TAFA5: variants seen among roughly 807,000 people sequenced by gnomAD.
The protein encoded by TAFA5 is chemokine-like protein TAFA-5.
Under a neutral mutation model 15.3 loss-of-function variants are expected in TAFA5, and 6 were observed. The observed-to-expected ratio is 0.39, with a 90% CI of 0.21 to 0.77. The LOEUF (loss-of-function observed/expected upper bound fraction) is 0.77. TAFA5 is among the 30% of genes least tolerant of loss of function. The probability of loss-of-function intolerance (pLI) is 0.41; values close to 1 mark genes in which losing one functional copy is unlikely to be tolerated. For missense variants in TAFA5, 161 were observed against 193.1 expected (o/e 0.83, Z 0.98); for synonymous variants, 103 against 80.7 (o/e 1.28, Z -1.48).
chr22:48,657,988 T>C (rs1161389581), intron 2 of TAFA5, among the ~76,000 whole-genome samples: 2 of 152,220 alleles, frequency 1.3e-5, no homozygotes, highest in Non-Finnish European at 2.9e-5. Flanking sequence ...TTAATCAGCA[T>C]CTGAGAATAA....
chr22:48,594,797 C>T (rs963982826), intron 1 of TAFA5, among the ~76,000 whole-genome samples: 5 of 152,214 alleles, frequency 3.3e-5, no homozygotes, highest in Admixed American at 2.6e-4. Context: ...GGCGTAAGGA[C>T]GGGCGCCCTG....
chr22:48,528,197 A>G (rs11705547), intron 1 of TAFA5, among the ~76,000 whole-genome samples: 2,829 of 152,328 alleles, frequency 0.019, 46 homozygotes, highest in Non-Finnish European at 0.027. Flanking sequence ...CCCGTGAATC[A>G]GGAGCCTGGT....
intron 3 of TAFA5, among the ~76,000 whole-genome samples, chr22:48,729,356 A>ATTG (rs10686581): frequency 7.5e-6 from 1 of 133,566 alleles, no homozygotes; most frequent in Non-Finnish European, 1.6e-5. Flanking sequence ...TTTTTATATT[A>ATTG]GTATATAATA....
At chr22:48,659,352 C>T (rs995180943) in intron 2 of TAFA5, among the ~76,000 whole-genome samples, 2 of 152,352 alleles carry the variant, frequency 1.3e-5, no homozygotes, top group East Asian at 1.9e-4. Context: ...CCCAGCCCAC[C>T]GTCCACAGAC....
intron 3 of TAFA5, among the ~76,000 whole-genome samples, chr22:48,719,531 G>T (rs1169802078): frequency 6.6e-6 from 1 of 152,178 alleles, no homozygotes; most frequent in Non-Finnish European, 1.5e-5. Flanking sequence ...CCTCTCACCA[G>T]CCCAAGAGAG....
intron 2 of TAFA5, among the ~76,000 whole-genome samples, chr22:48,661,089 G>A (rs1927423119): frequency 6.6e-6 from 1 of 152,200 alleles, no homozygotes; most frequent in Non-Finnish European, 1.5e-5. Context: ...AGGAACAAAG[G>A]TTTGCTGAGC....
At position 48,489,770 on chromosome 22, in the gene TAFA5, G is replaced by T; in HGVS notation, c.112+66G>T. 9.5e-7 allele frequency: 1 copy of T among 1,051,052 alleles called. No homozygotes were observed. Among genetic ancestry groups the T allele is most frequent in the Admixed American group, 4.4e-5 (1 of 22,706 alleles). 65.1% of individuals were successfully genotyped at this position (1,051,052 alleles called of 1,614,324 possible). On this transcript the variant is annotated intron_variant, in intron 1 of 3. Coordinates refer to ENST00000402357, the MANE Select transcript of TAFA5 (RefSeq NM_001082967.3). The surrounding 1 kb of genome is among the most constrained non-coding windows in gnomAD (Gnocchi z 5.5). The stretch of plus-strand genomic sequence containing the variant: ...GCCCCGGACCCCCTCCTCCGGCCCC[G>T]GCAGGCGCCCCGCGGGCCTCCCGGA...
At chr22:48,502,404 G>C (rs1252821705) in intron 1 of TAFA5, among the ~76,000 whole-genome samples, 1 of 128,988 alleles carries the variant, frequency 7.8e-6, no homozygotes, top group African/African-American at 3.9e-5. Context: ...TGCATTTCTG[G>C]GGGAGCTGGG....
chr22:48,529,939 C>T lies in TAFA5; in HGVS notation c.112+40235C>T, dbSNP rs62223631. ...TGGGAGTTGGGGCATCTGGGACAAC[C>T]CTTCTCCCTTCACAGGGTGTTGGAC... On this transcript the variant is annotated intron_variant, in intron 1 of 3. Coordinates refer to ENST00000402357, the MANE Select transcript of TAFA5 (RefSeq NM_001082967.3). 2.6e-5 allele frequency among the ~76,000 whole-genome samples: 4 copies of T among 151,454 alleles called. No individual in the cohort carries two copies. The East Asian group carries it at 7.8e-4, about 29-fold the overall frequency.
intron 1 of TAFA5, among the ~76,000 whole-genome samples, chr22:48,554,453 C>T (rs1050516479): frequency 4.6e-5 from 7 of 152,110 alleles, no homozygotes; most frequent in African/African-American, 9.7e-5. Flanking sequence ...ATGTTCCCAA[C>T]ATATTACATT....
intron 1 of TAFA5, among the ~76,000 whole-genome samples, chr22:48,613,225 C>T (rs143151323): frequency 6.6e-5 from 10 of 152,298 alleles, no homozygotes; most frequent in Non-Finnish European, 1.0e-4. Context: ...TCCCTGGAGT[C>T]CTCTCTTCAA....
At chr22:48,540,660 C>A (rs1295096070) in intron 1 of TAFA5, among the ~76,000 whole-genome samples, 1 of 146,092 alleles carries the variant, frequency 6.8e-6, no homozygotes, top group Admixed American at 6.9e-5. Context: ...GCTTCCTTTT[C>A]TTTTTGTTCT....
chr22:48,491,222 G>T (rs1928142335), intron 1 of TAFA5, among the ~76,000 whole-genome samples: 1 of 152,148 alleles, frequency 6.6e-6, no homozygotes, highest in Non-Finnish European at 1.5e-5. Context: ...AGTTTTCCGC[G>T]GCCGTCACGG....
intron 1 of TAFA5, among the ~76,000 whole-genome samples, chr22:48,624,914 A>G (rs1601624201): frequency 6.6e-6 from 1 of 152,166 alleles, no homozygotes; most frequent in African/African-American, 2.4e-5. Context: ...GGCCTGGCCA[A>G]CGTGGCAAAA....
chr22:48,684,051 G>A (rs1260575771), intron 2 of TAFA5, among the ~76,000 whole-genome samples: 2 of 152,118 alleles, frequency 1.3e-5, no homozygotes, highest in African/African-American at 4.8e-5. Context: ...GTTATTCATA[G>A]CAGTTTGAAA....
intron 1 of TAFA5, among the ~76,000 whole-genome samples, chr22:48,583,858 CCACA>C (rs202129696): frequency 6.7e-5 from 10 of 149,908 alleles, no homozygotes; most frequent in Non-Finnish European, 7.4e-5. Flanking sequence ...AAAAAATACA[CCACA>C]CACACACGCA....
chr22:48,669,877 C>A (rs977396340), intron 2 of TAFA5, among the ~76,000 whole-genome samples: 3 of 152,252 alleles, frequency 2.0e-5, no homozygotes. Context: ...TGTGATTCCA[C>A]GTTTCACCAG....
At chr22:48,672,385 A>G (rs1348275076) in intron 2 of TAFA5, among the ~76,000 whole-genome samples, 1 of 152,240 alleles carries the variant, frequency 6.6e-6, no homozygotes, top group Non-Finnish European at 1.5e-5. Flanking sequence ...AAATGGAAAT[A>G]GTTCTTTTAT....
intron 2 of TAFA5, among the ~76,000 whole-genome samples, chr22:48,673,712 T>C (rs1927874696): frequency 6.6e-6 from 1 of 152,110 alleles, no homozygotes; most frequent in Non-Finnish European, 1.5e-5. Flanking sequence ...GCCCCGGGTA[T>C]GTAGGAGGTG....
Sources: allele counts gnomAD v4.1 joint callset (sites outside exome capture counted in the v4.1 genomes callset), GRCh38; gene constraint gnomAD v4.1.1; non-coding constraint Gnocchi (gnomAD v3.1); transcripts MANE v1.5; gene names NCBI Gene and HGNC (gene_info 2026-07-23, HGNC 2026-07-21).